ROBO2: variants seen among roughly 807,000 people sequenced by gnomAD.
ROBO2 encodes roundabout guidance receptor 2.
Under a neutral mutation model 160.8 loss-of-function variants are expected in ROBO2, and 53 were observed. That is an observed-to-expected ratio of 0.33 (90% CI 0.26 to 0.41). The LOEUF (loss-of-function observed/expected upper bound fraction) is 0.41, where lower values mean the gene tolerates loss of function less well. Among genes scored for constraint, ROBO2 ranks in the 10% least tolerant of loss-of-function variants. The pLI is 1.00. For synonymous variants in ROBO2, 664 were observed against 611.7 expected (o/e 1.09, Z -1.26); for missense variants, 1,577 against 1,722.4 (o/e 0.92, Z 1.49).
chr3:77,471,040 A>G (rs2083300840), intron 2 of ROBO2, among the ~76,000 whole-genome samples: 1 of 152,178 alleles, frequency 6.6e-6, no homozygotes. Context: ...TCTTTATTCA[A>G]TGATGTGTGC....
chr3:76,026,994 G>A (rs890475052), intron 2 of ROBO2, among the ~76,000 whole-genome samples: 5 of 151,778 alleles, frequency 3.3e-5, no homozygotes, highest in African/African-American at 1.2e-4. Flanking sequence ...GACTGCGCTG[G>A]GACAATCCAA....
rs566821397 is a variant in ROBO2 at position 76,447,346 on chromosome 3, C to T, written c.109+509744C>T. On this transcript the variant is annotated intron_variant, in intron 2 of 26. Coordinates refer to the ROBO2 transcript ENST00000487694. Reference sequence around the variant, plus strand: ...GCAAATCAAAACCACAATGAGATACCATCTCACACCCGTTAGAATGGCGAT... The same window carrying T: ...GCAAATCAAAACCACAATGAGATACTATCTCACACCCGTTAGAATGGCGAT... 7.9e-5 allele frequency among the ~76,000 whole-genome samples: 12 copies of T among 152,022 alleles called. No homozygotes were observed. The South Asian group carries it at 2.3e-3, about 29-fold the overall frequency.
chr3:76,536,724 G>A (rs527367417), intron 2 of ROBO2, among the ~76,000 whole-genome samples: 12 of 152,214 alleles, frequency 7.9e-5, no homozygotes, highest in South Asian at 4.1e-4. Context: ...ACTCTTTCCC[G>A]CTCATCTGGG....
intron 2 of ROBO2, among the ~76,000 whole-genome samples, chr3:77,251,149 G>A (rs960813413): frequency 2.0e-5 from 3 of 152,062 alleles, no homozygotes; most frequent in African/African-American, 7.2e-5. Flanking sequence ...CCTGTGGCAA[G>A]TCTCTGCCTG....
intron 2 of ROBO2, among the ~76,000 whole-genome samples, chr3:77,109,997 A>G (rs958546105): frequency 6.6e-6 from 1 of 152,240 alleles, no homozygotes; most frequent in Non-Finnish European, 1.5e-5. Flanking sequence ...TTCCTGGGAT[A>G]TGACGGAAAG....
chr3:77,568,556 C>G lies in ROBO2; in HGVS notation c.1971+122C>G, dbSNP rs1375889142. 3 of 1,115,930 alleles carry G rather than the reference C, an allele frequency of 2.7e-6. No homozygotes were observed. In the East Asian group the frequency reaches 7.3e-5, roughly 27 times the overall value. The allele number at this position is 1,115,930 out of a possible 1,614,324, so 69.1% of individuals were successfully genotyped here. A position where few individuals can be genotyped will look rare whatever the true frequency, so the allele number is the denominator to read the frequency against. On this transcript the variant is annotated intron_variant, in intron 13 of 25. Transcript: ENST00000461745. Reference sequence around the variant, plus strand: ...CCGCCATTTAAAATCAAGGTGTAATCAATGATAGTAAAGAAAATCAACAAA... The same window carrying G: ...CCGCCATTTAAAATCAAGGTGTAATGAATGATAGTAAAGAAAATCAACAAA...
At chr3:77,181,700 G>C (rs1463042374) in intron 2 of ROBO2, among the ~76,000 whole-genome samples, 2 of 151,978 alleles carry the variant, frequency 1.3e-5, no homozygotes, top group African/African-American at 4.8e-5. Flanking sequence ...AAAAGAAAAT[G>C]ATGCTCAATA....
chr3:77,519,369 A>G (rs2090355798), intron 5 of ROBO2, among the ~76,000 whole-genome samples: 1 of 151,144 alleles, frequency 6.6e-6, no homozygotes, highest in Non-Finnish European at 1.5e-5. Context: ...TTCAACCTTT[A>G]TTTTAGATTT....
intron 2 of ROBO2, among the ~76,000 whole-genome samples, chr3:76,873,566 T>C (rs942471171): frequency 6.6e-6 from 1 of 152,124 alleles, no homozygotes; most frequent in Non-Finnish European, 1.5e-5. Context: ...TTAGTAGTAG[T>C]AGTAGTAGTC....
chr3:77,264,636 G>T (rs1344240444), intron 2 of ROBO2, among the ~76,000 whole-genome samples: 2 of 152,016 alleles, frequency 1.3e-5, no homozygotes, highest in African/African-American at 4.8e-5. Flanking sequence ...TAGTATTTTT[G>T]TTTTTGATAT....
chr3:77,301,207 A>G (rs2062630151), intron 2 of ROBO2, among the ~76,000 whole-genome samples: 1 of 152,102 alleles, frequency 6.6e-6, no homozygotes, highest in Non-Finnish European at 1.5e-5. Flanking sequence ...TATATTACTG[A>G]TTTTAAAAAA....
intron 2 of ROBO2, among the ~76,000 whole-genome samples, chr3:76,259,403 G>C (rs897208196): frequency 1.2e-4 from 19 of 152,134 alleles, no homozygotes; most frequent in African/African-American, 4.1e-4. Flanking sequence ...AAATAAGATG[G>C]GGGACCAGTT....
intron 2 of ROBO2, among the ~76,000 whole-genome samples, chr3:76,645,344 T>G (rs2090911504): frequency 6.6e-6 from 1 of 152,194 alleles, no homozygotes; most frequent in Non-Finnish European, 1.5e-5. Flanking sequence ...AATAAAAATG[T>G]TTATCTCCGT....
chr3:76,012,862 G>T (rs1005700875), intron 2 of ROBO2, among the ~76,000 whole-genome samples: 1 of 140,872 alleles, frequency 7.1e-6, no homozygotes, highest in Non-Finnish European at 1.6e-5. Flanking sequence ...GACTGGGCAC[G>T]GTGGCTTATG....
At chr3:77,566,104 C>T (rs1425776114) in intron 12 of ROBO2, among the ~76,000 whole-genome samples, 2 of 151,968 alleles carry the variant, frequency 1.3e-5, no homozygotes, top group Non-Finnish European at 2.9e-5. Flanking sequence ...ACCATACAGC[C>T]ATAAAATATT....
chr3:76,502,935 A>G (rs899003788), intron 2 of ROBO2, among the ~76,000 whole-genome samples: 3 of 152,142 alleles, frequency 2.0e-5, no homozygotes, highest in African/African-American at 7.2e-5. Flanking sequence ...TTTAGCTTTC[A>G]TGGAACAACC....
chr3:77,447,929 T>C lies in ROBO2; in HGVS notation c.389-29485T>C, dbSNP rs147234703. Among the ~76,000 whole-genome samples the C allele has an allele frequency of 2.7e-4, 41 of 152,268 alleles. 1 individual carries two copies. Among genetic ancestry groups the C allele is most frequent in the African/African-American group, 7.5e-4 (31 of 41,552 alleles). ...TATGTGTGAGAAAAACTGTTGAATA[T>C]AAACTCTTGCTCATTGTACATAAAG... On this transcript the variant is annotated intron_variant, in intron 2 of 25. Transcript: ENST00000461745.
intron 2 of ROBO2, among the ~76,000 whole-genome samples, chr3:76,039,625 A>G (rs1424581858): frequency 1.3e-5 from 2 of 152,098 alleles, no homozygotes. Flanking sequence ...AATGAATCAC[A>G]TCCTTTGTCT....
rs371332582 is a variant in ROBO2, at chr3:76,614,841, C to T, written c.110-483173C>T. On this transcript the variant is annotated intron_variant, in intron 2 of 26. Transcript: ENST00000487694. ...GTACTAAATAACGGCTTGTTTATGT[C>T]GGTGCATAAATAATTTGAAACAAAT... 5.9e-5 allele frequency among the ~76,000 whole-genome samples: 9 copies of T among 152,076 alleles called. No homozygotes were observed. The South Asian group carries it at 8.3e-4, about 14-fold the overall frequency.
Sources: allele counts gnomAD v4.1 joint callset (sites outside exome capture counted in the v4.1 genomes callset), GRCh38; gene constraint gnomAD v4.1.1; transcripts MANE v1.5; gene names NCBI Gene and HGNC (gene_info 2026-07-23, HGNC 2026-07-21).